Variants in VPS13B observed in about 807,000 individuals in gnomAD.
VPS13B encodes the protein intermembrane lipid transfer protein VPS13B.
VPS13B carries 285 observed loss-of-function variants against 426.4 expected under a neutral mutation model. The ratio of observed to expected loss-of-function variants is 0.67; its 90% CI spans 0.61 to 0.74. The LOEUF (loss-of-function observed/expected upper bound fraction) is 0.74, where lower values mean the gene tolerates loss of function less well. Ranked by LOEUF, VPS13B falls within the 30% of genes least tolerant of loss-of-function variation. The pLI is 0.00. For synonymous variants in VPS13B, 1,676 were observed against 1,676.4 expected (o/e 1.00, Z 0.01); for missense variants, 4,537 against 4,782.6 (o/e 0.95, Z 1.51).
chr8:99,546,749 T>A (rs1563789372), intron 30 of VPS13B, among the ~76,000 whole-genome samples: 1 of 151,954 alleles, frequency 6.6e-6, no homozygotes, highest in Non-Finnish European at 1.5e-5. Context: ...AGAATGTAAT[T>A]AAAGAGAAAA....
chr8:99,861,283 C>A (rs918598253), intron 57 of VPS13B, among the ~76,000 whole-genome samples: 3 of 152,170 alleles, frequency 2.0e-5, no homozygotes, highest in African/African-American at 4.8e-5. Flanking sequence ...CTCTTTACCT[C>A]ATTTTCTTTT....
chr8:99,538,233 A>G (rs543457959), intron 30 of VPS13B, among the ~76,000 whole-genome samples: 2 of 152,172 alleles, frequency 1.3e-5, no homozygotes, highest in Non-Finnish European at 2.9e-5. Flanking sequence ...TATACCTTTA[A>G]TGAAACAAAA....
chr8:99,504,632 GGA>G (rs1821402765), intron 27 of VPS13B, among the ~76,000 whole-genome samples: 1 of 152,070 alleles, frequency 6.6e-6, no homozygotes, highest in African/African-American at 2.4e-5. Flanking sequence ...AAAATATTCA[GGA>G]GACCATGCTG....
intron 34 of VPS13B, among the ~76,000 whole-genome samples, chr8:99,646,344 A>G (rs1376710446): frequency 6.6e-6 from 1 of 152,128 alleles, no homozygotes; most frequent in East Asian, 1.9e-4. Context: ...GTGAGACCCC[A>G]TCTCTACAAA....
At chr8:99,198,971 A>G (rs535459284) in intron 17 of VPS13B, among the ~76,000 whole-genome samples, 2 of 152,166 alleles carry the variant, frequency 1.3e-5, no homozygotes, top group South Asian at 4.1e-4. Flanking sequence ...AAGTTTTAGC[A>G]TTTTATTATT....
At chr8:99,177,061 T>C (rs1378483130) in intron 16 of VPS13B, among the ~76,000 whole-genome samples, 1 of 152,194 alleles carries the variant, frequency 6.6e-6, no homozygotes. Flanking sequence ...GAAAGTGCCC[T>C]ATTCTGGAAA....
chr8:99,821,650 C>G (rs768813640), intron 50 of VPS13B, among the ~76,000 whole-genome samples, 168 bp downstream of exon 50: 50 of 152,044 alleles, frequency 3.3e-4, no homozygotes, highest in Non-Finnish European at 4.9e-4. Context: ...TTTTACAGTG[C>G]TTTTTTTTCT....
chr8:99,582,097 G>T (rs1162541812), intron 33 of VPS13B, among the ~76,000 whole-genome samples: 1 of 151,780 alleles, frequency 6.6e-6, no homozygotes, highest in Non-Finnish European at 1.5e-5. Flanking sequence ...TTCTTAACCA[G>T]TGTTTAACAG....
chr8:99,770,335 C>A (rs1811420210), intron 40 of VPS13B, among the ~76,000 whole-genome samples: 1 of 152,100 alleles, frequency 6.6e-6, no homozygotes. Flanking sequence ...AAGGGATGCA[C>A]CCTCTGGAGC....
chr8:99,137,337 GT>G (rs1489619250), intron 12 of VPS13B, among the ~76,000 whole-genome samples: 2 of 151,272 alleles, frequency 1.3e-5, no homozygotes, highest in East Asian at 3.9e-4. Context: ...TAGGTTCACA[GT>G]TTTTTTTGGT....
intron 3 of VPS13B, among the ~76,000 whole-genome samples, chr8:99,063,511 C>T (rs1483421783): frequency 6.6e-6 from 1 of 152,212 alleles, no homozygotes; most frequent in Non-Finnish European, 1.5e-5. Flanking sequence ...AGCAGCCTGG[C>T]AGGGGGAGGG....
chr8:99,758,893 C>G (rs1454614733), intron 39 of VPS13B, among the ~76,000 whole-genome samples: 1 of 152,116 alleles, frequency 6.6e-6, no homozygotes, highest in Non-Finnish European at 1.5e-5. Flanking sequence ...TTCACCATTG[C>G]GACCCTCTGA....
At chr8:99,504,396 T>G (rs1250303700) in intron 27 of VPS13B, among the ~76,000 whole-genome samples, 1 of 152,204 alleles carries the variant, frequency 6.6e-6, no homozygotes, top group Non-Finnish European at 1.5e-5. Flanking sequence ...ACTAACACAC[T>G]GTAGCCTTAC....
At position 99,642,331 on chromosome 8, in the gene VPS13B, G is replaced by A. The variant is rs150272676; in HGVS notation, c.5741G>A (p.Arg1914Gln). ...ARQALGITIV[R>Q]QPGRRGTGDL... ...CAAGCACTTGGTATAACTATTGTTC[G>A]GCAGCCTGGTCGAAGAGGAACTGGT... Residue 1914 changes from arginine to glutamine, a missense_variant, in exon 34 of 62, where the codon CGG becomes CAG. By Grantham distance (43) the Arg-to-Gln change is conservative. Transcript: ENST00000357162. 2.3e-4 allele frequency: 374 copies of A among 1,614,064 alleles called. 3 individuals carry two copies. In the South Asian group the frequency reaches 3.5e-3, roughly 15 times the overall value.
chr8:99,821,402 A>C lies in VPS13B; in HGVS notation c.9103A>C (p.Asn3035His). The change falls in exon 50 of 62, where the codon AAT becomes CAT. Residue 3035 changes from asparagine to histidine, a missense_variant. Coordinates refer to ENST00000357162, the MANE Select transcript of VPS13B (RefSeq NM_152564.5). ...LTSPKWKDGG[N>H]GEVVTLDEEA... ...ATCTCCAAAGTGGAAAGATGGAGGT[A>C]ATGGTGAAGTTGTGACACTGGATGA... 1 of 1,613,876 alleles carries C rather than the reference A, an allele frequency of 6.2e-7. No individual in the cohort carries two copies. Among genetic ancestry groups the C allele is most frequent in the Non-Finnish European group, 8.5e-7 (1 of 1,179,828 alleles).
intron 5 of VPS13B, among the ~76,000 whole-genome samples, chr8:99,105,867 A>G (rs1847016975): frequency 1.3e-5 from 2 of 152,182 alleles, no homozygotes; most frequent in African/African-American, 4.8e-5. Context: ...TGAGTCATTT[A>G]TAAAATGACT....
At chr8:99,455,072 CTT>C (rs1010639176) in intron 23 of VPS13B, among the ~76,000 whole-genome samples, 71 of 152,146 alleles carry the variant, frequency 4.7e-4, no homozygotes, top group African/African-American at 1.6e-3. Flanking sequence ...TTTTTGTTCT[CTT>C]GAGTGTTTTT....
rs1415185581 is a variant in VPS13B at position 99,052,101 on chromosome 8, C to G, written c.291+13535C>G. On this transcript the variant is annotated intron_variant, in intron 3 of 61. Coordinates refer to ENST00000357162, the MANE Select transcript of VPS13B (RefSeq NM_152564.5). ...GAGTGGTGAGAGAGGGCATCCCTGTCTTGTGCCAGTTTTCAAAGGGAATGC... is the reference window on the plus strand; with the variant it reads ...GAGTGGTGAGAGAGGGCATCCCTGTGTTGTGCCAGTTTTCAAAGGGAATGC... Among the ~76,000 whole-genome samples the G allele has an allele frequency of 4.2e-3, 618 of 148,056 alleles. 7 individuals carry two copies. The highest frequency in any genetic ancestry group is 2.4e-3 in the East Asian group (12 of 5,054).
chr8:99,303,245 A>C (rs1820461322), intron 19 of VPS13B, among the ~76,000 whole-genome samples: 1 of 131,100 alleles, frequency 7.6e-6, no homozygotes, highest in African/African-American at 3.0e-5. Context: ...GCGCCACTGC[A>C]CTCAGCCTGT....
Sources: gnomAD v4.1 joint callset for allele counts (sites outside exome capture counted in the v4.1 genomes callset) on GRCh38, gnomAD v4.1.1 for gene constraint, MANE v1.5 for transcripts, NCBI Gene and HGNC (gene_info 2026-07-23, HGNC 2026-07-21) for gene names.